ELMO1: variants seen among roughly 807,000 people sequenced by gnomAD.
ELMO1 encodes engulfment and cell motility protein 1.
In ELMO1, 26 loss-of-function variants were observed where a neutral mutation model predicts 98.9. That is an observed-to-expected ratio of 0.26 (90% CI 0.19 to 0.36). The LOEUF (loss-of-function observed/expected upper bound fraction) is 0.36. Ranked by LOEUF, ELMO1 falls within the 10% of genes least tolerant of loss-of-function variation. ELMO1 has a pLI of 1.00. For synonymous variants in ELMO1, 346 were observed against 346.0 expected (o/e 1.00, Z 0.00); for missense variants, 627 against 935.2 (o/e 0.67, Z 4.30).
intron 2 of ELMO1, among the ~76,000 whole-genome samples, chr7:37,321,533 C>T (rs1219583543): frequency 6.6e-6 from 1 of 151,596 alleles, no homozygotes; most frequent in Admixed American, 6.6e-5. Context: ...CTGGCTAACA[C>T]GTTGAAACCC....
intron 16 of ELMO1, among the ~76,000 whole-genome samples, chr7:36,955,660 T>C (rs1323968597): frequency 6.6e-6 from 1 of 152,212 alleles, no homozygotes; most frequent in Non-Finnish European, 1.5e-5. Flanking sequence ...CAGAGTCTTT[T>C]CCATATGTAA....
At chr7:37,242,103 C>T (rs1041288855) in intron 7 of ELMO1, among the ~76,000 whole-genome samples, 1 of 152,088 alleles carries the variant, frequency 6.6e-6, no homozygotes, top group African/African-American at 2.4e-5. Context: ...CCTTTTGGGA[C>T]TCCAATTAAA....
At chr7:37,400,055 C>T (rs761166744) in intron 1 of ELMO1, among the ~76,000 whole-genome samples, 2 of 152,200 alleles carry the variant, frequency 1.3e-5, no homozygotes, top group Non-Finnish European at 2.9e-5. Flanking sequence ...AGCTCTGACA[C>T]TTCCTAGCTA....
chr7:37,310,042 G>A (rs775095221), intron 4 of ELMO1, among the ~76,000 whole-genome samples: 17 of 152,182 alleles, frequency 1.1e-4, no homozygotes, highest in Non-Finnish European at 2.5e-4. Context: ...AGGTTCAGGG[G>A]CTGTCTGAGA....
chr7:37,148,862 G>A (rs973974810), intron 13 of ELMO1, among the ~76,000 whole-genome samples: 14 of 152,078 alleles, frequency 9.2e-5, no homozygotes, highest in African/African-American at 3.4e-4. Flanking sequence ...TAAAACAAGG[G>A]ATAAATACAT....
At chr7:37,417,683 C>CACACAAACACACACACACACAA (rs753914608) in intron 1 of ELMO1, among the ~76,000 whole-genome samples, 1 of 146,210 alleles carries the variant, frequency 6.8e-6, no homozygotes, top group Non-Finnish European at 1.5e-5. Flanking sequence ...CACACACACA[C>CACACAAACACACACACACACAA]AAGCAAAAAT....
chr7:37,029,948 T>C (rs565322309), intron 15 of ELMO1, among the ~76,000 whole-genome samples: 2 of 152,300 alleles, frequency 1.3e-5, no homozygotes, highest in South Asian at 2.1e-4. Context: ...TCTTACTGAC[T>C]TATAATGATA....
intron 16 of ELMO1, among the ~76,000 whole-genome samples, chr7:37,008,791 C>A (rs117755770): frequency 0.022 from 3,361 of 152,204 alleles, 46 homozygotes; most frequent in Middle Eastern, 0.078. Context: ...CATCAATGCA[C>A]GAAATTTACA....
intron 1 of ELMO1, among the ~76,000 whole-genome samples, chr7:37,393,321 C>G (rs1803161154): frequency 1.3e-5 from 2 of 152,190 alleles, no homozygotes; most frequent in Admixed American, 1.3e-4. Flanking sequence ...AACCACCACA[C>G]AAGCATTCAA....
Position 37,292,229 on chromosome 7 carries a change from C to T in ELMO1, c.193-20347G>A, listed in dbSNP as rs1247465695. ...CCTCCCGAGGTGCCGGGATTGCAGA[C>T]GGAGTCTCGTTCACTCAGTGCTCAA... On this transcript the variant is annotated intron_variant, in intron 4 of 21. Coordinates refer to ENST00000310758, the MANE Select transcript of ELMO1 (RefSeq NM_014800.11). Among the ~76,000 whole-genome samples the T allele has an allele frequency of 3.9e-5, 4 of 102,378 alleles. 1 individual carries two copies. Among genetic ancestry groups the T allele is most frequent in the Non-Finnish European group, 9.6e-5 (4 of 41,804 alleles). The allele number at this position is 102,378 out of a possible 152,430, so 67.2% of individuals were successfully genotyped here.
rs987871996 is a variant in ELMO1 at position 37,363,946 on chromosome 7, AC to A, written c.-73-21184del. On this transcript the variant is annotated intron_variant, in intron 1 of 21. Transcript: ENST00000310758. ...ACACCCTAGGCCTAGAAGGACTCTA[AC>A]CCCCCACAGGCAACACCACCCACTC... is the stretch of plus-strand genomic sequence containing the variant. Among the ~76,000 whole-genome samples the A allele has an allele frequency of 2.0e-5, 3 of 151,936 alleles. No homozygotes were observed. In the East Asian group the frequency reaches 5.8e-4, roughly 29 times the overall value.
At chr7:37,148,845 G>T (rs964328635) in intron 13 of ELMO1, among the ~76,000 whole-genome samples, 1 of 151,904 alleles carries the variant, frequency 6.6e-6, no homozygotes, top group Admixed American at 6.6e-5. Context: ...CCCACCTCTC[G>T]TCACTTTAAA....
At chr7:37,357,438 G>A (rs1288152866) in intron 1 of ELMO1, among the ~76,000 whole-genome samples, 1 of 152,048 alleles carries the variant, frequency 6.6e-6, no homozygotes, top group African/African-American at 2.4e-5. Context: ...CAGAAGCTGT[G>A]GTTTTAGTGG....
At chr7:37,271,922 A>G (rs1383559503) in intron 4 of ELMO1, 40 bp from the exon 5 acceptor site, 16 of 1,583,186 alleles carry the variant, frequency 1.0e-5, no homozygotes, top group Non-Finnish European at 1.4e-5. Flanking sequence ...TTTCAAGTAG[A>G]AGCTTGGTAA....
In ELMO1 at chr7:36,853,259, G is replaced by A. The variant is rs954247312; in HGVS notation, c.*2292C>T. ...ATGCTGCCTTTCATAGTCCTGAAAA[G>A]GTTTCTTTCTATTAAATGCACCAAA... On this transcript the variant is annotated 3_prime_UTR_variant, in exon 22 of 22. Transcript: ENST00000310758. Among the ~76,000 whole-genome samples, 2 of 152,170 alleles carry A rather than the reference G, an allele frequency of 1.3e-5. No homozygotes were observed. Among genetic ancestry groups the A allele is most frequent in the Admixed American group, 1.3e-4 (2 of 15,282 alleles).
At chr7:37,168,276 T>C (rs1383943044) in intron 13 of ELMO1, among the ~76,000 whole-genome samples, 1 of 152,226 alleles carries the variant, frequency 6.6e-6, no homozygotes, top group Non-Finnish European at 1.5e-5. Flanking sequence ...TCTTTGCCTT[T>C]GGTTTGAATT....
chr7:36,967,835 A>G (rs1425284457), intron 16 of ELMO1, among the ~76,000 whole-genome samples: 1 of 152,254 alleles, frequency 6.6e-6, no homozygotes, highest in Non-Finnish European at 1.5e-5. Flanking sequence ...AGGGAAATGG[A>G]AAGTAAACAA....
chr7:36,918,993 TTCAGTCAGTCAG>T (rs1024043640), intron 16 of ELMO1, among the ~76,000 whole-genome samples: 1 of 132,732 alleles, frequency 7.5e-6, no homozygotes, highest in Non-Finnish European at 1.7e-5. Flanking sequence ...CATTCATTCA[TTCAGTCAGTCAG>T]TCAGTCAGTT....
At chr7:36,997,138 G>A (rs1403210560) in intron 16 of ELMO1, among the ~76,000 whole-genome samples, 1 of 151,762 alleles carries the variant, frequency 6.6e-6, no homozygotes, top group Admixed American at 6.6e-5. Flanking sequence ...TGGCGGGAAG[G>A]CAGGATACAG....
Sources: gnomAD v4.1 joint callset for allele counts (sites outside exome capture counted in the v4.1 genomes callset) on GRCh38, gnomAD v4.1.1 for gene constraint, MANE v1.5 for transcripts, NCBI Gene and HGNC (gene_info 2026-07-23, HGNC 2026-07-21) for gene names.